Variants in ARPP21 observed in about 807,000 individuals in gnomAD.
ARPP21 encodes cAMP regulated phosphoprotein 21.
A neutral mutation model predicts 113.2 loss-of-function variants in ARPP21; 69 were observed. The observed-to-expected ratio is 0.61, with a 90% CI of 0.50 to 0.74. The LOEUF is 0.74. Ranked by LOEUF, ARPP21 falls within the 30% of genes least tolerant of loss-of-function variation. ARPP21 has a pLI of 0.00. For synonymous variants in ARPP21, 368 were observed against 375.5 expected, an observed-to-expected ratio of 0.98 and a Z score of 0.23; for missense variants, 1,070 against 1,037.4, an observed-to-expected ratio of 1.03 and a Z score of -0.43.
At position 35,692,288 on chromosome 3, in the gene ARPP21, A is replaced by G. The variant is rs77228749; in HGVS notation, c.686+1283A>G. Among the ~76,000 whole-genome samples, 856 of 151,788 alleles carry G rather than the reference A, an allele frequency of 5.6e-3. 9 individuals carry two copies. Among genetic ancestry groups the G allele is most frequent in the African/African-American group, 0.02 (814 of 41,476 alleles). On this transcript the variant is annotated intron_variant, in intron 9 of 20. Coordinates refer to ENST00000684406, the MANE Select transcript of ARPP21 (RefSeq NM_001385562.1). ...TCCTATTTTATCTGGTTGTTTACACATGTGCCTCATATTTGAATAGTAGTA... is the reference window on the plus strand; with the variant it reads ...TCCTATTTTATCTGGTTGTTTACACGTGTGCCTCATATTTGAATAGTAGTA...
At chr3:35,684,759 G>A (rs1474595541) in intron 5 of ARPP21, 5 of 984,906 alleles carry the variant, frequency 5.1e-6, no homozygotes, top group African/African-American at 1.8e-5. Context: ...TCTTTAAAAG[G>A]ACCAAAAATA....
rs747470322 is a variant in ARPP21, at chr3:35,743,951, C to G, written c.2123C>G (p.Ala708Gly). 7 of 1,613,964 alleles carry G rather than the reference C, an allele frequency of 4.3e-6. No homozygotes were observed. Among genetic ancestry groups the G allele is most frequent in the Middle Eastern group, 1.6e-4 (1 of 6,084 alleles). Residue 708 changes from alanine (A) to glycine (G), a missense_variant, in exon 19 of 21, where the codon GCA (alanine) becomes GGA (glycine). Physicochemically the swap from Ala to Gly is moderately conservative, Grantham distance 60. Transcript: ENST00000684406. ...NAQRSQQMPQ[A>G]AQQAGYQPVL... ...CAGAGGAGTCAACAGATGCCACAGG[C>G]AGCACAGCAAGCAGGTACTTGGAAT...
intron 19 of ARPP21, 85 bp downstream of exon 19, chr3:35,744,050 T>C: frequency 6.9e-7 from 1 of 1,458,282 alleles, no homozygotes; most frequent in South Asian, 1.2e-5. Flanking sequence ...GTGTCCAAGC[T>C]TGGCAATTTA....
At chr3:35,770,376 T>A (rs984795741) in intron 19 of ARPP21, among the ~76,000 whole-genome samples, 1 of 152,216 alleles carries the variant, frequency 6.6e-6, no homozygotes, top group Non-Finnish European at 1.5e-5. Context: ...TCAGCATTCT[T>A]AGCCTTGGAA....
intron 5 of ARPP21, among the ~76,000 whole-genome samples, chr3:35,686,707 G>C (rs1312129659): frequency 1.3e-5 from 2 of 151,572 alleles, no homozygotes; most frequent in African/African-American, 2.4e-5. Flanking sequence ...GTCACTAGTG[G>C]AAGAAAGCTT....
intron 1 of ARPP21, among the ~76,000 whole-genome samples, chr3:35,661,413 G>C (rs1008871199): frequency 6.6e-6 from 1 of 152,062 alleles, no homozygotes; most frequent in Non-Finnish European, 1.5e-5. Flanking sequence ...AAGTGACTCT[G>C]TCAGTCTTTA....
chr3:35,755,188 T>G (rs1043120882), intron 19 of ARPP21, among the ~76,000 whole-genome samples: 1 of 152,046 alleles, frequency 6.6e-6, no homozygotes, highest in Non-Finnish European at 1.5e-5. Context: ...TCTTGTTAAT[T>G]TTTTGAGAGC....
intron 19 of ARPP21, among the ~76,000 whole-genome samples, chr3:35,766,649 A>G (rs1036902100): frequency 2.0e-5 from 3 of 152,172 alleles, no homozygotes; most frequent in African/African-American, 7.2e-5. Flanking sequence ...ATACTCTCCA[A>G]GTATATTTGA....
intron 19 of ARPP21, among the ~76,000 whole-genome samples, chr3:35,757,457 C>G (rs1377725457): frequency 6.6e-6 from 1 of 151,774 alleles, no homozygotes. Flanking sequence ...CTGACCTGGG[C>G]CTGTGGAATT....
intron 19 of ARPP21, among the ~76,000 whole-genome samples, chr3:35,756,705 TTTGTTGTTG>T (rs148039988): frequency 6.6e-6 from 1 of 151,978 alleles, no homozygotes; most frequent in Non-Finnish European, 1.5e-5. Flanking sequence ...TGGGGATTGT[TTTGTTGTTG>T]TTGTTGTTGT....
Position 35,739,438 on chromosome 3 carries a change from A to C in ARPP21, c.1871A>C (p.Gln624Pro). The part of the protein sequence containing the change: ...PSSLMPQPAQ[Q>P]PSYVIASTGQ... ...TCCCTTATGCCACAGCCGGCCCAGCAGCCCAGCTATGTAATCGCCTCTACA... is the reference window on the plus strand; with the variant it reads ...TCCCTTATGCCACAGCCGGCCCAGCCGCCCAGCTATGTAATCGCCTCTACA... The change falls in exon 18 of 21, where the codon CAG becomes CCG. Residue 624 changes from glutamine (Q) to proline (P), a missense_variant. Gln to Pro is a moderately conservative substitution (Grantham distance 76). Coordinates refer to ENST00000684406, the MANE Select transcript of ARPP21 (RefSeq NM_001385562.1). The C allele has an allele frequency of 1.2e-6, 2 of 1,614,152 alleles. No homozygotes were observed. Among genetic ancestry groups the C allele is most frequent in the South Asian group, 2.2e-5 (2 of 91,078 alleles).
At chr3:35,659,993 C>T (rs1427186506) in intron 1 of ARPP21, among the ~76,000 whole-genome samples, 1 of 152,116 alleles carries the variant, frequency 6.6e-6, no homozygotes, top group Non-Finnish European at 1.5e-5. Flanking sequence ...GTGTGCATTG[C>T]ACCATCTGCT....
chr3:35,673,425 A>G (rs1314052596), intron 1 of ARPP21, among the ~76,000 whole-genome samples: 1 of 152,110 alleles, frequency 6.6e-6, no homozygotes, highest in African/African-American at 2.4e-5. Flanking sequence ...CTGAGGTCAT[A>G]GATGGGCAAT....
At position 35,792,495 on chromosome 3, in the gene ARPP21, G is replaced by A. The variant is rs762995319; in HGVS notation, c.2251G>A (p.Val751Met). The A allele has an allele frequency of 1.4e-5, 22 of 1,613,958 alleles. No homozygotes were observed. The highest frequency in any genetic ancestry group is 1.6e-4 in the Middle Eastern group (1 of 6,084). Residue 751 changes from valine (V) to methionine (M), a missense_variant, in exon 20 of 21, where the codon GTG (valine) becomes ATG (methionine). By Grantham distance (21) the Val-to-Met change is conservative. Coordinates refer to ENST00000684406, the MANE Select transcript of ARPP21 (RefSeq NM_001385562.1). ...CCAACAAGGAACTCCGGTGCAAAGC[G>A]TGATGGTTTCCTACCCAACAATGTC... Reference protein sequence around the residue: ...NNQQGTPVQSVMVSYPTMSSY... With the variant: ...NNQQGTPVQSMMVSYPTMSSY...
intron 9 of ARPP21, among the ~76,000 whole-genome samples, chr3:35,692,751 G>T (rs1169874405): frequency 6.6e-6 from 1 of 151,572 alleles, no homozygotes; most frequent in Admixed American, 6.6e-5. Flanking sequence ...CGGTATGGTA[G>T]CCAAATATGG....
chr3:35,692,710 C>A (rs2149678338), intron 9 of ARPP21, among the ~76,000 whole-genome samples: 1 of 151,748 alleles, frequency 6.6e-6, no homozygotes. Context: ...TCCTGGTCAT[C>A]TTTGAGTGCT....
intron 9 of ARPP21, among the ~76,000 whole-genome samples, chr3:35,696,155 G>A (rs2083936109): frequency 6.6e-6 from 1 of 151,540 alleles, no homozygotes. Context: ...GGTTAGTCTG[G>A]TATTGACTAA....
chr3:35,786,732 C>T (rs1437960124), intron 19 of ARPP21, among the ~76,000 whole-genome samples: 1 of 151,988 alleles, frequency 6.6e-6, no homozygotes, highest in African/African-American at 2.4e-5. Flanking sequence ...CTATAAAGGC[C>T]AGTAAAATCG....
At chr3:35,685,069 GA>G (rs1311834760) in intron 5 of ARPP21, 2 of 985,202 alleles carry the variant, frequency 2.0e-6, no homozygotes, top group Non-Finnish European at 2.4e-6. Flanking sequence ...TAACTCTGCA[GA>G]ATGACAGACC....
Sources: gnomAD v4.1 joint callset for allele counts (sites outside exome capture counted in the v4.1 genomes callset) on GRCh38, gnomAD v4.1.1 for gene constraint, MANE v1.5 for transcripts, NCBI Gene and HGNC (gene_info 2026-07-23, HGNC 2026-07-21) for gene names.